RB1: variants seen among roughly 807,000 people sequenced by gnomAD.
RB1 encodes RB transcriptional corepressor 1.
RB1 carries 18 observed loss-of-function variants against 135.4 expected under a neutral mutation model. That is an observed-to-expected ratio of 0.13 (90% CI 0.09 to 0.20). RB1 has a LOEUF of 0.20. RB1 is among the 10% of genes least tolerant of loss of function. RB1 has a pLI of 1.00. For missense variants in RB1, 868 were observed against 1,110.0 expected (o/e 0.78, Z 3.10); for synonymous variants, 365 against 373.2 (o/e 0.98, Z 0.25).
At chr13:48,386,615 C>A (rs1375163337) in intron 17 of RB1, among the ~76,000 whole-genome samples, 1 of 152,120 alleles carries the variant, frequency 6.6e-6, no homozygotes, top group East Asian at 1.9e-4. Context: ...CAAAGTGAGC[C>A]TGTCATTTCA....
intron 17 of RB1, chr13:48,417,227 G>A (rs1265389918): frequency 6.5e-6 from 1 of 153,188 alleles, no homozygotes; most frequent in African/African-American, 2.4e-5. Flanking sequence ...TCCAGAGGAA[G>A]GAACAGGCAG....
chr13:48,314,890 T>A (rs531758251), intron 2 of RB1, among the ~76,000 whole-genome samples: 2 of 152,358 alleles, frequency 1.3e-5, no homozygotes, highest in Admixed American at 6.5e-5. Context: ...TCTGGACTTG[T>A]TCATCCTATG....
intron 17 of RB1, among the ~76,000 whole-genome samples, chr13:48,432,546 T>A (rs1489532030): frequency 6.6e-6 from 1 of 152,136 alleles, no homozygotes; most frequent in Non-Finnish European, 1.5e-5. Context: ...CACCCTGACT[T>A]GTCTCTTCTC....
intron 17 of RB1, among the ~76,000 whole-genome samples, chr13:48,445,504 A>G (rs1949279764): frequency 6.6e-6 from 1 of 152,160 alleles, no homozygotes; most frequent in Non-Finnish European, 1.5e-5. Flanking sequence ...CTGAAAGAAC[A>G]TCAGTTTCTT....
Position 48,319,042 on chromosome 13 carries a change from C to T in RB1, c.264+11636C>T. ...AAATGCCCAAGATTGCTTCCGCGCG[C>T]GTCAGTTCAGCGGACGTGTCTGCCT... On this transcript the variant is annotated intron_variant, in intron 2 of 26. Coordinates refer to ENST00000267163, the MANE Select transcript of RB1 (RefSeq NM_000321.3). The surrounding 1 kb of genome is among the most constrained non-coding windows in gnomAD (Gnocchi z 5.0). The T allele has an allele frequency of 1.6e-6, 1 of 642,714 alleles. No homozygotes were observed. The highest frequency in any genetic ancestry group is 2.9e-6 in the Non-Finnish European group (1 of 347,354). 39.8% of individuals were successfully genotyped at this position (642,714 alleles called of 1,614,324 possible).
chr13:48,319,818 CT>C lies in RB1; in HGVS notation c.264+12413del. 3.2e-6 allele frequency: 1 copy of C among 312,946 alleles called. No individual in the cohort carries two copies. Among genetic ancestry groups the C allele is most frequent in the Non-Finnish European group, 6.4e-6 (1 of 157,028 alleles). The allele number at this position is 312,946 out of a possible 1,614,324, so 19.4% of individuals were successfully genotyped here. On this transcript the variant is annotated intron_variant, in intron 2 of 26. Coordinates refer to ENST00000267163, the MANE Select transcript of RB1 (RefSeq NM_000321.3). The surrounding 1 kb of genome is among the most constrained non-coding windows in gnomAD (Gnocchi z 5.0). The stretch of plus-strand genomic sequence containing the variant: ...GCTGTTCTATTTCCGCCTTAATGCT[CT>C]GCTCGAAGGAGTCGTTGCTGCTCGC...
intron 5 of RB1, among the ~76,000 whole-genome samples, chr13:48,348,219 G>A (rs1952515433): frequency 6.6e-6 from 1 of 151,882 alleles, no homozygotes; most frequent in African/African-American, 2.4e-5. Context: ...GAGAATAAAT[G>A]TAAAAATCTG....
In RB1 at chr13:48,339,339, C is replaced by A. The variant is rs532786269; in HGVS notation, c.265-3260C>A. On this transcript the variant is annotated intron_variant, in intron 2 of 26. Coordinates refer to ENST00000267163, the MANE Select transcript of RB1 (RefSeq NM_000321.3). Reference sequence around the variant, plus strand: ...GCTCCACCCAGTTCAAGCTTCCTGGCCGCTTTGTTTACCTACTCAAGCTTC... The same window carrying A: ...GCTCCACCCAGTTCAAGCTTCCTGGACGCTTTGTTTACCTACTCAAGCTTC... Among the ~76,000 whole-genome samples, 519 of 152,352 alleles carry A rather than the reference C, an allele frequency of 3.4e-3. 7 individuals are homozygous for A. The highest frequency in any genetic ancestry group is 0.012 in the African/African-American group (503 of 41,578).
intron 19 of RB1, among the ~76,000 whole-genome samples, chr13:48,459,070 C>A (rs1384690678): frequency 2.0e-5 from 3 of 152,090 alleles, no homozygotes; most frequent in African/African-American, 7.2e-5. Flanking sequence ...TTGAAACAAA[C>A]CCTATTGGGT....
chr13:48,317,412 C>G (rs959077340), intron 2 of RB1: 1 of 371,886 alleles, frequency 2.7e-6, no homozygotes, highest in Non-Finnish European at 4.9e-6. Flanking sequence ...TGAAGTCGCT[C>G]GAGGGCAGGG....
intron 17 of RB1, among the ~76,000 whole-genome samples, chr13:48,436,969 T>C (rs893924996): frequency 2.0e-5 from 3 of 152,226 alleles, no homozygotes; most frequent in Non-Finnish European, 4.4e-5. Context: ...GTACTTACTT[T>C]GATAATCAGA....
At chr13:48,433,718 A>G (rs899064595) in intron 17 of RB1, among the ~76,000 whole-genome samples, 1 of 147,966 alleles carries the variant, frequency 6.8e-6, no homozygotes, top group South Asian at 2.1e-4. Flanking sequence ...TATGCATTGT[A>G]TTACAAAACA....
At chr13:48,350,418 A>G (rs1456550730) in intron 6 of RB1, among the ~76,000 whole-genome samples, 1 of 152,174 alleles carries the variant, frequency 6.6e-6, no homozygotes, top group African/African-American at 2.4e-5. Context: ...ATGCTCCTGA[A>G]TGGCCATGGG....
intron 4 of RB1, among the ~76,000 whole-genome samples, chr13:48,346,370 ATGTGTGTGTGTGTGTGTGTG>A (rs61503219): frequency 5.3e-4 from 70 of 131,130 alleles, no homozygotes; most frequent in Non-Finnish European, 8.7e-4. Flanking sequence ...TATTATATAT[ATGTGTGTGTGTGTGTGTGTG>A]TGTGTGTGTG....
intron 17 of RB1, among the ~76,000 whole-genome samples, chr13:48,433,334 C>A (rs1202413483): frequency 1.3e-5 from 2 of 151,572 alleles, no homozygotes; most frequent in African/African-American, 4.8e-5. Flanking sequence ...TTAAATATAC[C>A]ACTAACTCTA....
chr13:48,323,680 T>TA (rs1030061162), intron 2 of RB1, among the ~76,000 whole-genome samples: 1 of 152,104 alleles, frequency 6.6e-6, no homozygotes, highest in African/African-American at 2.4e-5. Context: ...GCTTGTTCTT[T>TA]AAGGCTTTGA....
chr13:48,421,588 G>C (rs1949005572), intron 17 of RB1, among the ~76,000 whole-genome samples: 1 of 152,084 alleles, frequency 6.6e-6, no homozygotes, highest in Non-Finnish European at 1.5e-5. Context: ...GCAACCTACA[G>C]AATGGGAGAA....
chr13:48,420,278 A>G (rs1948985469), intron 17 of RB1, among the ~76,000 whole-genome samples: 1 of 152,234 alleles, frequency 6.6e-6, no homozygotes, highest in Non-Finnish European at 1.5e-5. Context: ...AGAACCAAAG[A>G]TAAAAACCAC....
intron 2 of RB1, among the ~76,000 whole-genome samples, chr13:48,310,319 T>C (rs2138038961): frequency 6.6e-6 from 1 of 152,256 alleles, no homozygotes; most frequent in South Asian, 2.1e-4. Context: ...AGGAGGAATA[T>C]TGTCAAAAAG....
Sources: allele counts gnomAD v4.1 joint callset (sites outside exome capture counted in the v4.1 genomes callset), GRCh38; gene constraint gnomAD v4.1.1; non-coding constraint Gnocchi (gnomAD v3.1); transcripts MANE v1.5; gene names NCBI Gene and HGNC (gene_info 2026-07-23, HGNC 2026-07-21).